Variants in LAMA2 observed in about 807,000 individuals in gnomAD.
The protein encoded by LAMA2 is laminin subunit alpha-2.
LAMA2 carries 269 observed loss-of-function variants against 364.8 expected under a neutral mutation model. The ratio of observed to expected loss-of-function variants is 0.74; its 90% CI spans 0.67 to 0.82. The LOEUF (loss-of-function observed/expected upper bound fraction) is 0.82, where lower values mean the gene tolerates loss of function less well. LAMA2 is among the 40% of genes least tolerant of loss of function. LAMA2 has a pLI of 0.00. For synonymous variants in LAMA2, 1,379 were observed against 1,370.6 expected, an observed-to-expected ratio of 1.01 and a Z score of -0.14; for missense variants, 3,807 against 3,873.2, an observed-to-expected ratio of 0.98 and a Z score of 0.45.
At chr6:129,226,735 C>A (rs9388692) in intron 12 of LAMA2, among the ~76,000 whole-genome samples, 19,977 of 151,800 alleles carry the variant, frequency 0.13, 3,246 homozygotes, top group African/African-American at 0.39. Context: ...TTGAGGGTAA[C>A]CCGACCTTTC....
intron 4 of LAMA2, among the ~76,000 whole-genome samples, chr6:129,136,157 A>T (rs1777779795): frequency 6.6e-6 from 1 of 152,098 alleles, no homozygotes; most frequent in African/African-American, 2.4e-5. Context: ...CGATACCAGG[A>T]TCTTTCACTC....
At chr6:129,331,537 G>C (rs1775652507) in intron 29 of LAMA2, among the ~76,000 whole-genome samples, 1 of 151,852 alleles carries the variant, frequency 6.6e-6, no homozygotes, top group African/African-American at 2.4e-5. Context: ...CTATTACTTT[G>C]GATGAATTAT....
intron 12 of LAMA2, among the ~76,000 whole-genome samples, chr6:129,219,599 T>C (rs562477930): frequency 3.4e-5 from 5 of 148,332 alleles, no homozygotes; most frequent in East Asian, 2.0e-4. Context: ...AATGATAGAC[T>C]GGATTAAGAA....
At chr6:128,997,127 T>G (rs1312660645) in intron 1 of LAMA2, among the ~76,000 whole-genome samples, 2 of 151,562 alleles carry the variant, frequency 1.3e-5, no homozygotes, top group African/African-American at 2.4e-5. Context: ...CTGGGGCCTG[T>G]TGGGGGAGGG....
intron 34 of LAMA2, among the ~76,000 whole-genome samples, chr6:129,380,477 C>T (rs552488335): frequency 1.4e-4 from 22 of 152,182 alleles, no homozygotes; most frequent in African/African-American, 5.3e-4. Context: ...GAGAGGTTGT[C>T]AATAAATAGG....
chr6:129,215,213 C>T (rs187227738), intron 12 of LAMA2, among the ~76,000 whole-genome samples: 25 of 152,256 alleles, frequency 1.6e-4, no homozygotes, highest in Admixed American at 1.6e-3. Context: ...GAACCATAAC[C>T]TACATATCTC....
At chr6:128,942,676 G>T (rs972847832) in intron 1 of LAMA2, among the ~76,000 whole-genome samples, 10 of 152,134 alleles carry the variant, frequency 6.6e-5, no homozygotes, top group African/African-American at 2.4e-4. Flanking sequence ...GCTGAGAAAG[G>T]TAGGTCTTAA....
At chr6:129,135,623 T>C (rs535411130) in intron 4 of LAMA2, among the ~76,000 whole-genome samples, 1 of 152,350 alleles carries the variant, frequency 6.6e-6, no homozygotes, top group South Asian at 2.1e-4. Context: ...CCTCTTATGA[T>C]ATCTCTGGTT....
At chr6:129,125,928 A>C (rs985701451) in intron 4 of LAMA2, among the ~76,000 whole-genome samples, 1 of 152,176 alleles carries the variant, frequency 6.6e-6, no homozygotes, top group Non-Finnish European at 1.5e-5. Context: ...GAAATTGTCA[A>C]TTTACAATAA....
chr6:129,442,071 G>A (rs1782144317), intron 43 of LAMA2: 1 of 444,780 alleles, frequency 2.2e-6, no homozygotes. Context: ...TCACTTTCAA[G>A]AGACTAGCCC....
intron 4 of LAMA2, among the ~76,000 whole-genome samples, chr6:129,141,266 C>G (rs943707915): frequency 1.3e-5 from 2 of 151,980 alleles, no homozygotes; most frequent in Non-Finnish European, 2.9e-5. Flanking sequence ...ATTCTTTTAA[C>G]ATTTAACTCT....
chr6:129,104,140 T>TA (rs986558123), intron 4 of LAMA2, among the ~76,000 whole-genome samples: 1 of 152,072 alleles, frequency 6.6e-6, no homozygotes, highest in African/African-American at 2.4e-5. Context: ...TCTTCCTACC[T>TA]AAAAAATCAG....
intron 12 of LAMA2, among the ~76,000 whole-genome samples, chr6:129,194,823 C>T (rs1363314282): frequency 6.6e-6 from 1 of 152,152 alleles, no homozygotes; most frequent in Non-Finnish European, 1.5e-5. Context: ...CATGTCACAT[C>T]ACGTAAATTA....
At chr6:129,481,076 G>A (rs771849026) in intron 54 of LAMA2, among the ~76,000 whole-genome samples, 187 bp from the exon 55 acceptor site, 2 of 152,172 alleles carry the variant, frequency 1.3e-5, no homozygotes, top group Non-Finnish European at 2.9e-5. Context: ...CAGAAGATTT[G>A]AAGTTATCAT....
At chr6:129,369,271 C>G (rs968677066) in intron 33 of LAMA2, among the ~76,000 whole-genome samples, 1 of 152,084 alleles carries the variant, frequency 6.6e-6, no homozygotes, top group Non-Finnish European at 1.5e-5. Context: ...AGGGTAGTCT[C>G]TTTTTTTCTG....
At chr6:129,460,479 A>C (rs1345908228) in intron 49 of LAMA2, among the ~76,000 whole-genome samples, 155 bp downstream of exon 49, 1 of 152,070 alleles carries the variant, frequency 6.6e-6, no homozygotes, top group Admixed American at 6.6e-5. Flanking sequence ...ATGAATCTTC[A>C]AGTCCCTGCC....
chr6:129,171,309 G>A (rs1347150825), intron 9 of LAMA2, among the ~76,000 whole-genome samples: 1 of 152,180 alleles, frequency 6.6e-6, no homozygotes, highest in Non-Finnish European at 1.5e-5. Flanking sequence ...GCAGTGGCTG[G>A]TACTGGTTGT....
chr6:129,277,796 A>T (rs1260762581), intron 17 of LAMA2, among the ~76,000 whole-genome samples: 2 of 152,114 alleles, frequency 1.3e-5, no homozygotes, highest in Non-Finnish European at 2.9e-5. Context: ...TTATTGCCTA[A>T]TTTTTTTCTC....
chr6:129,089,284 A>G (rs1217102680), intron 3 of LAMA2, among the ~76,000 whole-genome samples: 37 of 152,228 alleles, frequency 2.4e-4, no homozygotes, highest in Admixed American at 2.4e-3. Context: ...CATCACTACA[A>G]ATCTTTGCTA....
Sources: gnomAD v4.1 joint callset for allele counts (sites outside exome capture counted in the v4.1 genomes callset) on GRCh38, gnomAD v4.1.1 for gene constraint, MANE v1.5 for transcripts, NCBI Gene and HGNC (gene_info 2026-07-23, HGNC 2026-07-21) for gene names.